The following ATP11A variants were observed in gnomAD, a reference collection of about 807,000 sequenced individuals.
ATP11A encodes the protein phospholipid-transporting ATPase IH.
Under a neutral mutation model 154.4 loss-of-function variants are expected in ATP11A, and 81 were observed. That is an observed-to-expected ratio of 0.52 (90% CI 0.44 to 0.63). ATP11A has a LOEUF of 0.63. Among genes scored for constraint, ATP11A ranks in the 30% least tolerant of loss-of-function variants. The pLI, the probability that ATP11A is intolerant of heterozygous loss-of-function variation, is 0.00. For missense variants in ATP11A, 1,316 were observed against 1,474.3 expected (o/e 0.89, Z 1.76); for synonymous variants, 623 against 585.9 (o/e 1.06, Z -0.91).
Position 112,785,937 on chromosome 13 carries a change from C to T in ATP11A, c.162+680C>T, listed in dbSNP as rs1271119905. ...AGGTAATGCGGAACGCACGTGCCTG[C>T]GTTCAGACTCCATTTATCTTCACCG... On this transcript the variant is annotated intron_variant, in intron 2 of 29. Coordinates refer to ENST00000375645, the MANE Select transcript of ATP11A (RefSeq NM_015205.3). This position sits in a 1 kb window ranked among gnomAD's most constrained non-coding sequence, Gnocchi z 4.8. 6.6e-6 allele frequency among the ~76,000 whole-genome samples: 1 copy of T among 151,864 alleles called. No homozygotes were observed. The highest frequency in any genetic ancestry group is 1.9e-4 in the East Asian group (1 of 5,160).
rs4907544 is a variant in ATP11A, at chr13:112,760,288, G to A, written c.40-24847G>A. Reference sequence around the variant, plus strand: ...CGCTGTGAGTTTCATGCTTCCCTTCGTCCAGGCGCTGCTGTGTCCTGGGTG... The same window carrying A: ...CGCTGTGAGTTTCATGCTTCCCTTCATCCAGGCGCTGCTGTGTCCTGGGTG... On this transcript the variant is annotated intron_variant, in intron 1 of 29. Coordinates refer to ENST00000375645, the MANE Select transcript of ATP11A (RefSeq NM_015205.3). 9.4e-3 allele frequency among the ~76,000 whole-genome samples: 1,429 copies of A among 152,220 alleles called. 25 individuals are homozygous for A. Among genetic ancestry groups the A allele is most frequent in the African/African-American group, 0.032 (1,311 of 41,530 alleles).
Position 112,883,921 on chromosome 13 carries a change from T to A in ATP11A, c.*2055T>A, listed in dbSNP as rs1361161104. 1 of 152,786 alleles carries A rather than the reference T, an allele frequency of 6.5e-6. No homozygotes were observed. Among genetic ancestry groups the A allele is most frequent in the South Asian group, 2.1e-4 (1 of 4,832 alleles). 9.5% of individuals were successfully genotyped at this position (152,786 alleles called of 1,614,324 possible). A position where few individuals can be genotyped will look rare whatever the true frequency, so the allele number is the denominator to read the frequency against. ...TGTTCAGTTAACAAATTATTTGTAA[T>A]GTATTTTTTTAGAAATCTTAAAATT... On this transcript the variant is annotated 3_prime_UTR_variant, in exon 30 of 30. Coordinates refer to ENST00000375645, the MANE Select transcript of ATP11A (RefSeq NM_015205.3).
chr13:112,783,657 A>T (rs1009756727), intron 1 of ATP11A, among the ~76,000 whole-genome samples: 6 of 152,246 alleles, frequency 3.9e-5, no homozygotes, highest in Non-Finnish European at 8.8e-5. Context: ...GATGTCTTGC[A>T]GTTCCTACAG....
At position 112,753,544 on chromosome 13, in the gene ATP11A, C is replaced by T. The variant is rs894944177; in HGVS notation, c.40-31591C>T. Among the ~76,000 whole-genome samples, 1 of 152,224 alleles carries T rather than the reference C, an allele frequency of 6.6e-6. No homozygotes were observed. Among genetic ancestry groups the T allele is most frequent in the Non-Finnish European group, 1.5e-5 (1 of 68,052 alleles). On this transcript the variant is annotated intron_variant, in intron 1 of 29. Coordinates refer to ENST00000375645, the MANE Select transcript of ATP11A (RefSeq NM_015205.3). The surrounding 1 kb of genome is among the most constrained non-coding windows in gnomAD (Gnocchi z 4.1). ...GTGGTTTTATCTTGTACTTCTCCTG[C>T]TAACAGGCAGGTTGAGAATCTTTTT...
At chr13:112,839,518 T>G (rs1479934991) in intron 16 of ATP11A, among the ~76,000 whole-genome samples, 1 of 152,154 alleles carries the variant, frequency 6.6e-6, no homozygotes, top group East Asian at 1.9e-4. Context: ...GCCCTTTCTC[T>G]TCTCCAAATG....
chr13:112,699,449 A>G (rs910229059), intron 1 of ATP11A, among the ~76,000 whole-genome samples: 11 of 152,162 alleles, frequency 7.2e-5, no homozygotes, highest in African/African-American at 2.7e-4. Flanking sequence ...AGGTGGTATT[A>G]TGTCACACAT....
At chr13:112,745,358 C>T (rs897837920) in intron 1 of ATP11A, 2 of 152,244 alleles carry the variant, frequency 1.3e-5, no homozygotes, top group Admixed American at 6.5e-5. Context: ...AGCCACCGCC[C>T]CAGCCCATAA....
chr13:112,735,911 C>T (rs1890954511), intron 1 of ATP11A, among the ~76,000 whole-genome samples: 1 of 152,234 alleles, frequency 6.6e-6, no homozygotes, highest in South Asian at 2.1e-4. Flanking sequence ...TGTGCTCCTC[C>T]ATGCCTCCGT....
At chr13:112,865,416 A>T (rs1473247490) in intron 25 of ATP11A, among the ~76,000 whole-genome samples, 2 of 146,076 alleles carry the variant, frequency 1.4e-5, no homozygotes, top group Non-Finnish European at 3.1e-5. Context: ...ATGTGCAGTA[A>T]TTCAGTGCAG....
chr13:112,771,957 G>A (rs2077235193), intron 1 of ATP11A, among the ~76,000 whole-genome samples: 1 of 152,200 alleles, frequency 6.6e-6, no homozygotes, highest in South Asian at 2.1e-4. Context: ...GTGGTCTTAC[G>A]AGGAGGACTC....
At position 112,851,042 on chromosome 13, in the gene ATP11A, G is replaced by C. The variant is rs748839306; in HGVS notation, c.1815G>C (p.Gly605=). The C allele has an allele frequency of 3.1e-6, 5 of 1,613,712 alleles. No homozygotes were observed. Residue 605 remains glycine (G), a synonymous_variant, in exon 18 of 30, where the codon GGG becomes GGC. Transcript: ENST00000375645. ...CGCTGCATTGTGTTCTGCAGGAGGGGCTCCGAACTTTGTGTGTTGCTTATA... is the reference window on the plus strand; with the variant it reads ...CGCTGCATTGTGTTCTGCAGGAGGGCCTCCGAACTTTGTGTGTTGCTTATA... ...RARVERNAVE[G]LRTLCVAYKR... is the part of the protein sequence containing the mutation.
chr13:112,723,538 C>G (rs1889466012), intron 1 of ATP11A, among the ~76,000 whole-genome samples: 2 of 150,794 alleles, frequency 1.3e-5, no homozygotes, highest in African/African-American at 4.9e-5. Context: ...TCCCCAAGTG[C>G]TGGGATTACA....
intron 1 of ATP11A, among the ~76,000 whole-genome samples, chr13:112,735,594 A>G (rs1566402516): frequency 1.3e-5 from 2 of 152,216 alleles, no homozygotes; most frequent in Admixed American, 1.3e-4. Context: ...GCTGGAGTCA[A>G]TCTGTTCATT....
intron 1 of ATP11A, among the ~76,000 whole-genome samples, chr13:112,691,547 C>T (rs1424996747): frequency 6.6e-6 from 1 of 151,072 alleles, no homozygotes; most frequent in East Asian, 1.9e-4. Context: ...GCGTTTCCTG[C>T]CACTGTCTTG....
intron 2 of ATP11A, among the ~76,000 whole-genome samples, chr13:112,799,117 T>A (rs2078070529): frequency 6.6e-6 from 1 of 152,158 alleles, no homozygotes; most frequent in Non-Finnish European, 1.5e-5. Flanking sequence ...ACATAACAAT[T>A]CTCAAAGTCT....
At position 112,706,695 on chromosome 13, in the gene ATP11A, A is replaced by G. The variant is rs77438264; in HGVS notation, c.39+16240A>G. Among the ~76,000 whole-genome samples, 492 of 152,342 alleles carry G rather than the reference A, an allele frequency of 3.2e-3. 5 individuals are homozygous for G. Among genetic ancestry groups the G allele is most frequent in the East Asian group, 0.031 (162 of 5,188 alleles). Reference sequence around the variant, plus strand: ...TTCCTGTTATTTCTTCTCTAAATACAATGAGAATTTTTTTTGTTCTTATAT... The same window carrying G: ...TTCCTGTTATTTCTTCTCTAAATACGATGAGAATTTTTTTTGTTCTTATAT... On this transcript the variant is annotated intron_variant, in intron 1 of 29. Transcript: ENST00000375645.
chr13:112,794,266 A>G (rs1326679751), intron 2 of ATP11A, among the ~76,000 whole-genome samples: 1 of 152,152 alleles, frequency 6.6e-6, no homozygotes, highest in African/African-American at 2.4e-5. Context: ...CCAGGCAAAT[A>G]CTTACATTTT....
chr13:112,748,383 T>G (rs1318772795), intron 1 of ATP11A, among the ~76,000 whole-genome samples: 1 of 152,242 alleles, frequency 6.6e-6, no homozygotes, highest in Non-Finnish European at 1.5e-5. Context: ...TTCTTTTTAT[T>G]GAGATGGGAT....
At chr13:112,721,375 C>T (rs1889156779) in intron 1 of ATP11A, among the ~76,000 whole-genome samples, 1 of 152,174 alleles carries the variant, frequency 6.6e-6, no homozygotes, top group African/African-American at 2.4e-5. Context: ...AGAAAACGTA[C>T]CTTTGCTCAC....
Sources: gnomAD v4.1 joint callset for allele counts (sites outside exome capture counted in the v4.1 genomes callset) on GRCh38, gnomAD v4.1.1 for gene constraint, Gnocchi (gnomAD v3.1) non-coding constraint, MANE v1.5 for transcripts, NCBI Gene and HGNC (gene_info 2026-07-23, HGNC 2026-07-21) for gene names.